Variants in THSD7B observed in about 807,000 individuals in gnomAD.
The protein encoded by THSD7B is thrombospondin type 1 domain containing 7B, also known as thrombospondin type-1 domain-containing protein 7B.
Under a neutral mutation model 213.6 loss-of-function variants are expected in THSD7B, and 138 were observed. The observed-to-expected ratio is 0.65, with a 90% confidence interval of 0.56 to 0.74. The LOEUF (loss-of-function observed/expected upper bound fraction) is 0.74. Among genes scored for constraint, THSD7B ranks in the 30% least tolerant of loss-of-function variants. The pLI is 0.00. For missense variants in THSD7B, 1,931 were observed against 1,991.5 expected (o/e 0.97, Z 0.58); for synonymous variants, 742 against 687.0 (o/e 1.08, Z -1.25).
At chr2:137,185,198 G>T (rs549388232) in intron 7 of THSD7B, among the ~76,000 whole-genome samples, 6 of 151,552 alleles carry the variant, frequency 4.0e-5, no homozygotes, top group African/African-American at 1.5e-4. Flanking sequence ...AAAAATTTGT[G>T]TGGAGTCTCT....
chr2:137,306,622 T>C (rs887719804), intron 12 of THSD7B, among the ~76,000 whole-genome samples: 4 of 152,096 alleles, frequency 2.6e-5, no homozygotes, highest in African/African-American at 9.7e-5. Flanking sequence ...TATCTTCTAG[T>C]GAAAAAGAAT....
At chr2:137,527,241 A>G (rs1411788655) in intron 15 of THSD7B, among the ~76,000 whole-genome samples, 1 of 152,148 alleles carries the variant, frequency 6.6e-6, no homozygotes, top group African/African-American at 2.4e-5. Context: ...TCTTATTTGA[A>G]TAGATTTAAT....
chr2:137,019,526 A>G (rs1686403868), intron 2 of THSD7B, among the ~76,000 whole-genome samples: 1 of 152,136 alleles, frequency 6.6e-6, no homozygotes, highest in Non-Finnish European at 1.5e-5. Flanking sequence ...GACTTTTATA[A>G]TTATTTGCCT....
At chr2:137,305,655 A>T (rs1454539436) in intron 12 of THSD7B, among the ~76,000 whole-genome samples, 10 of 152,142 alleles carry the variant, frequency 6.6e-5, no homozygotes. Flanking sequence ...ATGAACTACC[A>T]AAGTCCTACT....
intron 1 of THSD7B, among the ~76,000 whole-genome samples, chr2:136,873,545 A>G (rs933080495): frequency 4.6e-5 from 7 of 152,218 alleles, no homozygotes; most frequent in African/African-American, 1.7e-4. Flanking sequence ...TTCTTGGTAC[A>G]GAGTGCTTTT....
rs1335959741 is a variant in THSD7B, at chr2:137,309,893, A to G, written c.2500+33867A>G. ...GGTGTATATGTGCCGCATTTTCTTA[A>G]TCTGGTCTATCATTGTTGGACATTT... On this transcript the variant is annotated intron_variant, in intron 12 of 27. Coordinates refer to ENST00000409968, the MANE Select transcript of THSD7B (RefSeq NM_001316349.2). 3.3e-5 allele frequency among the ~76,000 whole-genome samples: 5 copies of G among 152,102 alleles called. No individual in the cohort carries two copies. The East Asian group carries it at 7.7e-4, about 23-fold the overall frequency.
intron 12 of THSD7B, among the ~76,000 whole-genome samples, chr2:137,365,410 G>A (rs1685384553): frequency 6.6e-6 from 1 of 152,178 alleles, no homozygotes; most frequent in African/African-American, 2.4e-5. Context: ...GTAAACTAAA[G>A]AGCTTCTGCA....
At position 137,009,123 on chromosome 2, in the gene THSD7B, T is replaced by C. The variant is rs560572611; in HGVS notation, c.140-47297T>C. ...TAGATTAATTTTGACATAAGATTGA[T>C]ACTGAGTGTCAGAGAGTGAGGGTGG... On this transcript the variant is annotated intron_variant, in intron 2 of 27. Transcript: ENST00000409968. 3.3e-5 allele frequency among the ~76,000 whole-genome samples: 5 copies of C among 152,302 alleles called. No homozygotes were observed. In the East Asian group the frequency reaches 7.7e-4, roughly 24 times the overall value.
intron 14 of THSD7B, among the ~76,000 whole-genome samples, chr2:137,436,145 T>TATAA (rs1436842527): frequency 1.3e-5 from 2 of 151,884 alleles, no homozygotes; most frequent in South Asian, 4.1e-4. Context: ...TGATTATACA[T>TATAA]ATAAATAAAT....
At chr2:137,674,174 C>T (rs1683644146) in intron 27 of THSD7B, among the ~76,000 whole-genome samples, 2 of 152,172 alleles carry the variant, frequency 1.3e-5, no homozygotes, top group African/African-American at 4.8e-5. Flanking sequence ...CTCAACTCCC[C>T]AATGCTTAGG....
chr2:137,399,467 A>T lies in THSD7B; in HGVS notation c.2501-6146A>T, dbSNP rs540531044. Among the ~76,000 whole-genome samples, 4 of 152,270 alleles carry T rather than the reference A, an allele frequency of 2.6e-5. No individual in the cohort carries two copies. In the South Asian group the frequency reaches 8.3e-4, roughly 32 times the overall value. ...CTTGGCCTCCGAAAGTGCTGGGATT[A>T]CAGGCATGAGGCATAACACTCAGCC... On this transcript the variant is annotated intron_variant, in intron 12 of 27. Transcript: ENST00000409968.
intron 1 of THSD7B, among the ~76,000 whole-genome samples, chr2:136,840,318 G>T (rs1275675725): frequency 6.6e-6 from 1 of 152,158 alleles, no homozygotes; most frequent in Non-Finnish European, 1.5e-5. Flanking sequence ...GGTGGAGGTT[G>T]CAGTGAGCTG....
At chr2:137,328,620 A>G (rs769956083) in intron 12 of THSD7B, among the ~76,000 whole-genome samples, 12 of 152,204 alleles carry the variant, frequency 7.9e-5, no homozygotes, top group Non-Finnish European at 1.2e-4. Context: ...ACAAAAGTGA[A>G]CCATTCCTTC....
At chr2:137,061,504 T>C (rs1296268259) in intron 3 of THSD7B, among the ~76,000 whole-genome samples, 5 of 149,154 alleles carry the variant, frequency 3.4e-5, no homozygotes, top group Non-Finnish European at 4.5e-5. Context: ...TTTTTTTTTG[T>C]AGGTGTTTTG....
At chr2:137,106,384 C>T (rs1558922912) in intron 4 of THSD7B, among the ~76,000 whole-genome samples, 1 of 152,154 alleles carries the variant, frequency 6.6e-6, no homozygotes, top group African/African-American at 2.4e-5. Flanking sequence ...ACACCTTATA[C>T]AAAAATTAAC....
chr2:137,420,675 G>T (rs1240490123), intron 14 of THSD7B, among the ~76,000 whole-genome samples: 1 of 152,062 alleles, frequency 6.6e-6, no homozygotes, highest in African/African-American at 2.4e-5. Flanking sequence ...CTCAATAATG[G>T]CTCACAAAAC....
chr2:136,935,540 A>C (rs1200731523), intron 2 of THSD7B, among the ~76,000 whole-genome samples: 1 of 152,210 alleles, frequency 6.6e-6, no homozygotes, highest in Non-Finnish European at 1.5e-5. Context: ...TAAGCCATTG[A>C]TGTATCAACA....
At chr2:137,387,412 C>T (rs1685921639) in intron 12 of THSD7B, among the ~76,000 whole-genome samples, 1 of 152,162 alleles carries the variant, frequency 6.6e-6, no homozygotes, top group South Asian at 2.1e-4. Flanking sequence ...ATAATGAGAT[C>T]CTTATAGAGC....
chr2:137,628,493 G>A (rs1682677238), intron 20 of THSD7B, among the ~76,000 whole-genome samples: 1 of 152,144 alleles, frequency 6.6e-6, no homozygotes. Flanking sequence ...GGACAACAGA[G>A]AGTAAACTAA....
Sources: allele counts gnomAD v4.1 joint callset (sites outside exome capture counted in the v4.1 genomes callset), GRCh38; gene constraint gnomAD v4.1.1; transcripts MANE v1.5; gene names NCBI Gene and HGNC (gene_info 2026-07-23, HGNC 2026-07-21).